The following LRP1B variants were observed in gnomAD, a reference collection of about 807,000 sequenced individuals.
The protein encoded by LRP1B is LDL receptor related protein 1B, also known as low-density lipoprotein receptor-related protein 1B.
LRP1B carries 217 observed loss-of-function variants against 556.6 expected under a neutral mutation model. That is an observed-to-expected ratio of 0.39 (90% CI 0.35 to 0.44). The LOEUF is 0.44. Ranked by LOEUF, LRP1B falls within the 20% of genes least tolerant of loss-of-function variation. LRP1B has a pLI of 1.00. For missense variants in LRP1B, 5,053 were observed against 5,620.8 expected (o/e 0.90, Z 3.23); for synonymous variants, 2,047 against 1,865.8 (o/e 1.10, Z -2.50).
At chr2:141,102,565 G>A (rs1700490074) in intron 7 of LRP1B, among the ~76,000 whole-genome samples, 1 of 152,028 alleles carries the variant, frequency 6.6e-6, no homozygotes, top group African/African-American at 2.4e-5. Flanking sequence ...CACAACTGGT[G>A]CAAATACGGC....
chr2:140,297,091 A>T (rs1229138078), intron 84 of LRP1B, among the ~76,000 whole-genome samples: 3 of 152,078 alleles, frequency 2.0e-5, no homozygotes, highest in Non-Finnish European at 4.4e-5. Flanking sequence ...AGGGGTCAGG[A>T]CTTGAGATGG....
intron 7 of LRP1B, among the ~76,000 whole-genome samples, chr2:141,147,091 T>C (rs1462858616): frequency 2.0e-5 from 3 of 152,224 alleles, no homozygotes; most frequent in African/African-American, 7.2e-5. Flanking sequence ...CCTCCTTTTC[T>C]GCTCTGGGTC....
chr2:140,485,927 A>G (rs951127634), intron 58 of LRP1B, among the ~76,000 whole-genome samples: 4 of 151,248 alleles, frequency 2.6e-5, no homozygotes, highest in African/African-American at 9.7e-5. Context: ...GGGAGAGATA[A>G]CAGTAGCATT....
At chr2:141,992,545 A>C (rs1265629359) in intron 1 of LRP1B, among the ~76,000 whole-genome samples, 1 of 152,178 alleles carries the variant, frequency 6.6e-6, no homozygotes, top group East Asian at 1.9e-4. Context: ...AACTTGTTAC[A>C]GAAAAATACA....
intron 6 of LRP1B, among the ~76,000 whole-genome samples, chr2:141,222,448 G>A (rs1250609072): frequency 1.3e-5 from 2 of 152,128 alleles, no homozygotes; most frequent in African/African-American, 4.8e-5. Context: ...TCTACCAGAG[G>A]TACAAAGCGG....
intron 2 of LRP1B, among the ~76,000 whole-genome samples, chr2:141,776,978 T>G (rs1428072001): frequency 6.6e-6 from 1 of 152,210 alleles, no homozygotes; most frequent in Non-Finnish European, 1.5e-5. Context: ...CATGGGTTAT[T>G]GAACACAATT....
At chr2:140,966,099 T>C (rs1242611186) in intron 18 of LRP1B, among the ~76,000 whole-genome samples, 3 of 152,210 alleles carry the variant, frequency 2.0e-5, no homozygotes, top group Non-Finnish European at 4.4e-5. Flanking sequence ...CAAATGGTAT[T>C]TCTAGTTCTA....
chr2:141,692,588 C>G lies in LRP1B; in HGVS notation c.205+117691G>C, dbSNP rs560218365. 5.3e-5 allele frequency among the ~76,000 whole-genome samples: 8 copies of G among 152,004 alleles called. No individual in the cohort carries two copies. In the East Asian group the frequency reaches 1.6e-3, roughly 30 times the overall value. Reference sequence around the variant, plus strand: ...TCCATTGCCCCTGTTCTTAACCTACCGCAGTAGTTTTCAGAGTACTCAGGA... The same window carrying G: ...TCCATTGCCCCTGTTCTTAACCTACGGCAGTAGTTTTCAGAGTACTCAGGA... On this transcript the variant is annotated intron_variant, in intron 2 of 90. Transcript: ENST00000389484.
chr2:141,183,152 C>T (rs905413360), intron 7 of LRP1B, among the ~76,000 whole-genome samples: 20 of 151,970 alleles, frequency 1.3e-4, no homozygotes, highest in Non-Finnish European at 2.2e-4. Flanking sequence ...AGCCAAATGT[C>T]TGTAACATTT....
At chr2:142,042,980 A>C (rs1704116068) in intron 1 of LRP1B, among the ~76,000 whole-genome samples, 1 of 151,546 alleles carries the variant, frequency 6.6e-6, no homozygotes, top group African/African-American at 2.4e-5. Context: ...ATATCAACTA[A>C]TTTTATTACT....
intron 11 of LRP1B, among the ~76,000 whole-genome samples, chr2:141,044,816 T>G (rs1392049321): frequency 6.7e-6 from 1 of 150,320 alleles, no homozygotes; most frequent in African/African-American, 2.4e-5. Context: ...TTTTACACTG[T>G]TGGTGGGACT....
intron 2 of LRP1B, among the ~76,000 whole-genome samples, chr2:141,486,611 C>T (rs1683130845): frequency 6.6e-6 from 1 of 152,030 alleles, no homozygotes; most frequent in African/African-American, 2.4e-5. Context: ...ACCTCTCTAC[C>T]TTACACGGTA....
chr2:141,556,070 T>A (rs1252759127), intron 2 of LRP1B, among the ~76,000 whole-genome samples: 1 of 151,894 alleles, frequency 6.6e-6, no homozygotes, highest in Admixed American at 6.6e-5. Context: ...ATCATAATAA[T>A]CATGATGGGT....
intron 3 of LRP1B, among the ~76,000 whole-genome samples, chr2:141,478,799 C>A (rs991458030): frequency 1.3e-5 from 2 of 152,072 alleles, no homozygotes; most frequent in Non-Finnish European, 2.9e-5. Flanking sequence ...CCTGCTTGGG[C>A]CTCCCAAAGT....
At chr2:140,543,200 G>A (rs962907720) in intron 43 of LRP1B, among the ~76,000 whole-genome samples, 3 of 151,982 alleles carry the variant, frequency 2.0e-5, no homozygotes, top group Non-Finnish European at 4.4e-5. Context: ...AAAGTACTAT[G>A]CAAGGAAAAT....
chr2:140,853,194 C>G (rs1395237616), intron 27 of LRP1B, among the ~76,000 whole-genome samples: 2 of 152,038 alleles, frequency 1.3e-5, no homozygotes, highest in East Asian at 1.9e-4. Flanking sequence ...GTCACAAACT[C>G]TCATGTAGAG....
intron 1 of LRP1B, among the ~76,000 whole-genome samples, chr2:141,896,309 G>A (rs1042912814): frequency 5.9e-5 from 9 of 152,010 alleles, no homozygotes; most frequent in Non-Finnish European, 1.0e-4. Flanking sequence ...TTTTAACATA[G>A]TATATAGTGC....
At chr2:140,951,806 G>A (rs72990186) in intron 19 of LRP1B, 54 bp downstream of exon 19, 7 of 1,412,782 alleles carry the variant, frequency 5.0e-6, no homozygotes, top group South Asian at 1.2e-5. Flanking sequence ...AGGCAGTCCA[G>A]ACCGCCAAGC....
chr2:140,368,092 G>T (rs918543717), intron 71 of LRP1B, among the ~76,000 whole-genome samples: 11 of 151,688 alleles, frequency 7.3e-5, no homozygotes, highest in African/African-American at 2.2e-4. Flanking sequence ...GCATCATGGG[G>T]CTACTGTGAC....
Sources: allele counts gnomAD v4.1 joint callset (sites outside exome capture counted in the v4.1 genomes callset), GRCh38; gene constraint gnomAD v4.1.1; transcripts MANE v1.5; gene names NCBI Gene and HGNC (gene_info 2026-07-23, HGNC 2026-07-21).